Variants in TENM3 observed in about 807,000 individuals in gnomAD.
TENM3 encodes the protein teneurin-3.
A neutral mutation model predicts 255.1 loss-of-function variants in TENM3; 63 were observed. The ratio of observed to expected loss-of-function variants is 0.25; its 90% CI spans 0.20 to 0.30. The LOEUF (loss-of-function observed/expected upper bound fraction) is 0.30. TENM3 is among the 10% of genes least tolerant of loss of function. TENM3 has a pLI of 1.00. For missense variants in TENM3, 2,929 were observed against 3,461.1 expected (o/e 0.85, Z 3.86); for synonymous variants, 1,306 against 1,322.3 (o/e 0.99, Z 0.27).
intron 3 of TENM3, among the ~76,000 whole-genome samples, chr4:182,560,448 C>T (rs944614101): frequency 3.3e-5 from 5 of 152,170 alleles, no homozygotes; most frequent in African/African-American, 1.2e-4. Context: ...TACTGCTTCT[C>T]CTACAAACAG....
At chr4:182,437,938 C>A (rs144630505) in intron 3 of TENM3, among the ~76,000 whole-genome samples, 2 of 152,144 alleles carry the variant, frequency 1.3e-5, no homozygotes, top group East Asian at 3.9e-4. Context: ...AGCAACAGAG[C>A]GAGATCCTGT....
In TENM3 at chr4:182,748,768, A is replaced by G. The variant is rs899594185; in HGVS notation, c.3630-3032A>G. The stretch of plus-strand genomic sequence containing the variant: ...TCATTTCCTACCATCCTGTGGGAAT[A>G]TTTCCAGAGGCTAATTCTCTTCTCT... On this transcript the variant is annotated intron_variant, in intron 19 of 27. Coordinates refer to ENST00000511685, the MANE Select transcript of TENM3 (RefSeq NM_001080477.4). Among the ~76,000 whole-genome samples the G allele has an allele frequency of 4.6e-5, 7 of 152,068 alleles. No individual in the cohort carries two copies. In the South Asian group the frequency reaches 1.0e-3, roughly 23 times the overall value.
intron 3 of TENM3, among the ~76,000 whole-genome samples, chr4:182,390,223 C>G (rs561666136): frequency 6.6e-6 from 1 of 152,276 alleles, no homozygotes; most frequent in East Asian, 1.9e-4. Context: ...TTGCATTTGA[C>G]AGACCATGGC....
chr4:181,846,261 A>AATTTTGAT, the TENM3 span, among the ~76,000 whole-genome samples: 1 of 152,198 alleles, frequency 6.6e-6, no homozygotes, highest in East Asian at 1.9e-4. Flanking sequence ...GAAATTTTGA[A>AATTTTGAT]ATGCTATCTT....
the TENM3 span, among the ~76,000 whole-genome samples, chr4:181,609,658 T>A: frequency 9.2e-3 from 1,409 of 152,354 alleles, 35 homozygotes; most frequent in African/African-American, 0.032. Flanking sequence ...TTTGGCCACA[T>A]CAGGTGAGAA....
chr4:182,202,130 AC>A (rs971563208), intron 1 of TENM3, among the ~76,000 whole-genome samples: 13 of 152,292 alleles, frequency 8.5e-5, no homozygotes, highest in African/African-American at 3.1e-4. Flanking sequence ...GCAAAATCAG[AC>A]CAGGAGCCTG....
chr4:181,904,184 C>A, the TENM3 span, among the ~76,000 whole-genome samples: 1 of 152,102 alleles, frequency 6.6e-6, no homozygotes, highest in Admixed American at 6.6e-5. Flanking sequence ...GACTGTTTCA[C>A]ATCCTCCACC....
chr4:182,701,538 G>C (rs546034566), intron 12 of TENM3, among the ~76,000 whole-genome samples: 1 of 152,090 alleles, frequency 6.6e-6, no homozygotes, highest in South Asian at 2.1e-4. Context: ...TGACTTTTAA[G>C]ATGAGTCCCC....
upstream of TENM3, among the ~76,000 whole-genome samples, chr4:182,239,296 T>A (rs1757098151): frequency 1.3e-5 from 2 of 152,216 alleles, no homozygotes; most frequent in East Asian, 3.9e-4. Context: ...CAGGCTGGTC[T>A]TGAATTATTG....
In TENM3 at chr4:182,339,194, C is replaced by A. The variant is rs180787242; in HGVS notation, c.233-7457C>A. Among the ~76,000 whole-genome samples, 170 of 152,290 alleles carry A rather than the reference C, an allele frequency of 1.1e-3. 1 individual carries two copies. Among genetic ancestry groups the A allele is most frequent in the Admixed American group, 4.8e-3 (73 of 15,302 alleles). ...TGAAACATTAATCAGATCCACTGGG[C>A]TAATTACTGCAACTCCAAAGTTTAT... On this transcript the variant is annotated intron_variant, in intron 2 of 27. Coordinates refer to ENST00000511685, the MANE Select transcript of TENM3 (RefSeq NM_001080477.4).
intron 1 of TENM3, among the ~76,000 whole-genome samples, chr4:182,201,009 G>A (rs1216308793): frequency 2.0e-5 from 3 of 151,540 alleles, no homozygotes; most frequent in African/African-American, 4.9e-5. Context: ...ATTTTTAGTC[G>A]AGATGGGGTT....
chr4:181,756,283 GA>G, the TENM3 span, among the ~76,000 whole-genome samples: 3 of 152,070 alleles, frequency 2.0e-5, no homozygotes, highest in African/African-American at 7.2e-5. Flanking sequence ...GCATAAATAG[GA>G]AAAAAAGCAA....
the TENM3 span, among the ~76,000 whole-genome samples, chr4:181,893,493 C>T: frequency 3.3e-5 from 3 of 89,642 alleles, no homozygotes; most frequent in Non-Finnish European, 6.2e-5. Context: ...CCCTGCCCAC[C>T]CCCCCCCCAC....
At chr4:182,664,163 C>T (rs10020487) in intron 6 of TENM3, among the ~76,000 whole-genome samples, 2,520 of 152,270 alleles carry the variant, frequency 0.017, 71 homozygotes, top group African/African-American at 0.057. Context: ...GGCAGCCCTG[C>T]GTCAAGCAAG....
chr4:181,500,215 G>A, the TENM3 span, among the ~76,000 whole-genome samples: 1 of 151,856 alleles, frequency 6.6e-6, no homozygotes, highest in African/African-American at 2.4e-5. Flanking sequence ...TTTTAGTAGA[G>A]AGGGGGTTTC....
the TENM3 span, among the ~76,000 whole-genome samples, chr4:181,702,415 T>C: frequency 3.3e-5 from 5 of 152,316 alleles, no homozygotes; most frequent in South Asian, 8.3e-4. Context: ...AGAAAACATA[T>C]TATCAAACTC....
intron 1 of TENM3, among the ~76,000 whole-genome samples, chr4:182,278,746 G>A (rs1177705654): frequency 1.3e-5 from 2 of 151,970 alleles, no homozygotes; most frequent in Non-Finnish European, 1.5e-5. Flanking sequence ...TGCCTCCAGC[G>A]CATACAGTGG....
At chr4:181,469,831 G>A in the TENM3 span, among the ~76,000 whole-genome samples, 5 of 151,994 alleles carry the variant, frequency 3.3e-5, no homozygotes, top group East Asian at 1.9e-4. Flanking sequence ...CCTGAGACTC[G>A]TATCTTTATA....
At position 182,658,504 on chromosome 4, in the gene TENM3, T is replaced by C. The variant is rs572333649; in HGVS notation, c.1111+4611T>C. On this transcript the variant is annotated intron_variant, in intron 6 of 27. Coordinates refer to ENST00000511685, the MANE Select transcript of TENM3 (RefSeq NM_001080477.4). ...CAACTACATATTTTGTAGACAGTGG[T>C]GGTAGTAGTAGACTACATAAAATCT... Among the ~76,000 whole-genome samples, 112 of 152,360 alleles carry C rather than the reference T, an allele frequency of 7.4e-4. 1 individual carries two copies. Among genetic ancestry groups the C allele is most frequent in the Non-Finnish European group, 5.9e-4 (40 of 68,038 alleles).
Sources: gnomAD v4.1 joint callset for allele counts (sites outside exome capture counted in the v4.1 genomes callset) on GRCh38, gnomAD v4.1.1 for gene constraint, MANE v1.5 for transcripts, NCBI Gene and HGNC (gene_info 2026-07-23, HGNC 2026-07-21) for gene names.